The following RUNX3 variants were observed in gnomAD, a reference collection of about 807,000 sequenced individuals.
The protein encoded by RUNX3 is runt-related transcription factor 3.
A neutral mutation model predicts 27.7 loss-of-function variants in RUNX3; 10 were observed. The ratio of observed to expected loss-of-function variants is 0.36; its 90% confidence interval spans 0.22 to 0.61. The LOEUF is 0.61. RUNX3 is among the 20% of genes least tolerant of loss of function. The pLI, the probability that RUNX3 is intolerant of heterozygous loss-of-function variation, is 0.72. For synonymous variants in RUNX3, 270 were observed against 269.2 expected (o/e 1.00, Z -0.03); for missense variants, 469 against 629.5 (o/e 0.75, Z 2.73).
At chr1:24,936,407 C>T (rs954063175) in intron 2 of RUNX3, among the ~76,000 whole-genome samples, 17 of 152,200 alleles carry the variant, frequency 1.1e-4, no homozygotes, top group African/African-American at 3.9e-4. Context: ...CTACACTCTA[C>T]TCTTGTGGAC....
rs1452850130 is a variant in RUNX3, at chr1:24,899,676, C to G, written c.*2446G>C. 2.0e-5 allele frequency: 3 copies of G among 152,762 alleles called. No homozygotes were observed. Among genetic ancestry groups the G allele is most frequent in the Admixed American group, 6.5e-5 (1 of 15,274 alleles). The allele number at this position is 152,762 out of a possible 1,614,324, so 9.5% of individuals were successfully genotyped here. On this transcript the variant is annotated 3_prime_UTR_variant, in exon 5 of 5. Transcript: ENST00000308873. Reference sequence around the variant, plus strand: ...CAGTTTCCACCCAGCTCCATCCTCTCGCCAGCTCTGGGATGGTTTTACATC... The same window carrying G: ...CAGTTTCCACCCAGCTCCATCCTCTGGCCAGCTCTGGGATGGTTTTACATC...
chr1:24,958,618 A>G, intron 2 of RUNX3, among the ~76,000 whole-genome samples: 1 of 152,216 alleles, frequency 6.6e-6, no homozygotes, highest in South Asian at 2.1e-4. Flanking sequence ...TTTAGGGCAG[A>G]TGGCAAAGGC....
At chr1:24,955,004 C>A (rs1473945411) in intron 2 of RUNX3, among the ~76,000 whole-genome samples, 2 of 152,156 alleles carry the variant, frequency 1.3e-5, no homozygotes, top group Non-Finnish European at 2.9e-5. Flanking sequence ...AGTCTCCTCT[C>A]CCTCAAGCCC....
Position 24,927,445 on chromosome 1 carries a change from T to A in RUNX3, c.439+129A>T. 1.2e-6 allele frequency: 1 copy of A among 824,648 alleles called. No individual in the cohort carries two copies. Among genetic ancestry groups the A allele is most frequent in the Non-Finnish European group, 2.0e-6 (1 of 499,084 alleles). The allele number at this position is 824,648 out of a possible 1,614,324, so 51.1% of individuals were successfully genotyped here. On this transcript the variant is annotated intron_variant, in intron 2 of 4. Coordinates refer to ENST00000308873, the MANE Select transcript of RUNX3 (RefSeq NM_004350.3). This position sits in a 1 kb window ranked among gnomAD's most constrained non-coding sequence, Gnocchi z 5.0. ...CTGTAATATCCTACAGGATTACAAA[T>A]TGCTGTTTTTAGACAGAGCTGCATC...
Position 24,902,029 on chromosome 1 carries a change from C to CCCATTCCCGCCCGGAG in RUNX3, c.*77_*92dup. The CCCATTCCCGCCCGGAG allele has an allele frequency of 8.1e-7, 1 of 1,233,640 alleles. No homozygotes were observed. Among genetic ancestry groups the CCCATTCCCGCCCGGAG allele is most frequent in the Admixed American group, 2.8e-5 (1 of 36,284 alleles). The allele number at this position is 1,233,640 out of a possible 1,614,324, so 76.4% of individuals were successfully genotyped here. On this transcript the variant is annotated 3_prime_UTR_variant, in exon 5 of 5. Coordinates refer to ENST00000308873, the MANE Select transcript of RUNX3 (RefSeq NM_004350.3). This position sits in a 1 kb window ranked among gnomAD's most constrained non-coding sequence, Gnocchi z 9.2. The stretch of plus-strand genomic sequence containing the variant: ...ACCGAGACCACCCTGGAGCGCAGGT[C>CCCATTCCCGCCCGGAG]CCATTCCCGCCCGGAGCCTCGGAGC...
intron 2 of RUNX3, among the ~76,000 whole-genome samples, chr1:24,926,267 T>G (rs1641098336): frequency 6.6e-6 from 1 of 152,132 alleles, no homozygotes; most frequent in African/African-American, 2.4e-5. Context: ...TTTGAGAGAT[T>G]GGGGATGACA....
At chr1:24,903,279 G>A (rs1055906891) in intron 4 of RUNX3, among the ~76,000 whole-genome samples, 1 of 152,230 alleles carries the variant, frequency 6.6e-6, no homozygotes, top group Admixed American at 6.5e-5. Flanking sequence ...CGGAGGTTCT[G>A]TGCGCTCACA....
Position 24,924,247 on chromosome 1 carries a change from C to G in RUNX3, c.439+3327G>C, listed in dbSNP as rs371457643. Among the ~76,000 whole-genome samples the G allele has an allele frequency of 7.6e-4, 116 of 152,246 alleles. 4 individuals carry two copies. The South Asian group carries it at 0.023, about 30-fold the overall frequency. ...AAAAAATCAGCTGAGCATGGTGGCGCATGCCTATAGTCCCAGCTATTGAGG... is the reference window on the plus strand; with the variant it reads ...AAAAAATCAGCTGAGCATGGTGGCGGATGCCTATAGTCCCAGCTATTGAGG... On this transcript the variant is annotated intron_variant, in intron 2 of 4. Coordinates refer to ENST00000308873, the MANE Select transcript of RUNX3 (RefSeq NM_004350.3).
At position 24,901,183 on chromosome 1, in the gene RUNX3, C is replaced by A. The variant is rs1336540429; in HGVS notation, c.*939G>T. On this transcript the variant is annotated 3_prime_UTR_variant, in exon 5 of 5. Transcript: ENST00000308873. Reference sequence around the variant, plus strand: ...ACAGCTTGGCTGGACCCAGGGGGGACAGGGACATTGATGTCTGACCCAAAA... The same window carrying A: ...ACAGCTTGGCTGGACCCAGGGGGGAAAGGGACATTGATGTCTGACCCAAAA... 1 of 151,958 alleles carries A rather than the reference C, an allele frequency of 6.6e-6. No homozygotes were observed. The highest frequency in any genetic ancestry group is 1.5e-5 in the Non-Finnish European group (1 of 67,990). The allele number at this position is 151,958 out of a possible 1,614,324, so 9.4% of individuals were successfully genotyped here. A position where few individuals can be genotyped will look rare whatever the true frequency, so the allele number is the denominator to read the frequency against.
intron 3 of RUNX3, among the ~76,000 whole-genome samples, chr1:24,912,836 G>A (rs1476584761): frequency 2.0e-5 from 3 of 151,820 alleles, no homozygotes; most frequent in South Asian, 2.1e-4. Flanking sequence ...AGCCAGCCTG[G>A]GTTCGATACA....
intron 3 of RUNX3, among the ~76,000 whole-genome samples, chr1:24,912,228 G>C (rs913868152): frequency 1.3e-5 from 2 of 152,206 alleles, no homozygotes; most frequent in African/African-American, 4.8e-5. Context: ...TGCACAGTCT[G>C]CTCACTGAGG....
At position 24,904,747 on chromosome 1, in the gene RUNX3, A is replaced by AT. The variant is rs1640628999; in HGVS notation, c.704-2082dup. ...GCTGGGCCTCCCTGGACCTGCCACC[A>AT]TCCCCTCCAGCCTCTTTCCTCAGGG... On this transcript the variant is annotated intron_variant, in intron 4 of 4. Coordinates refer to ENST00000308873, the MANE Select transcript of RUNX3 (RefSeq NM_004350.3). This position sits in a 1 kb window ranked among gnomAD's most constrained non-coding sequence, Gnocchi z 5.7. Among the ~76,000 whole-genome samples, 1 of 151,820 alleles carries AT rather than the reference A, an allele frequency of 6.6e-6. No individual in the cohort carries two copies. The highest frequency in any genetic ancestry group is 2.1e-4 in the South Asian group (1 of 4,816).
chr1:24,927,802 A>C lies in RUNX3; in HGVS notation c.283-72T>G. On this transcript the variant is annotated intron_variant, in intron 1 of 4. Coordinates refer to ENST00000308873, the MANE Select transcript of RUNX3 (RefSeq NM_004350.3). The surrounding 1 kb of genome is among the most constrained non-coding windows in gnomAD (Gnocchi z 5.0). Reference sequence around the variant, plus strand: ...AGAGGGTGACCAGGGAAAGGAGGGGAGGGGCTGGGCTGGGCAGCTCCCCCA... The same window carrying C: ...AGAGGGTGACCAGGGAAAGGAGGGGCGGGGCTGGGCTGGGCAGCTCCCCCA... 1.9e-5 allele frequency: 21 copies of C among 1,125,608 alleles called. No homozygotes were observed. Among genetic ancestry groups the C allele is most frequent in the Non-Finnish European group, 2.4e-5 (18 of 758,876 alleles). 69.7% of individuals were successfully genotyped at this position (1,125,608 alleles called of 1,614,324 possible). A position where few individuals can be genotyped will look rare whatever the true frequency, so the allele number is the denominator to read the frequency against.
At chr1:24,954,245 A>C (rs1444498534) in intron 2 of RUNX3, among the ~76,000 whole-genome samples, 1 of 152,260 alleles carries the variant, frequency 6.6e-6, no homozygotes. Context: ...GCTTATTTTT[A>C]AATTTCTTAG....
At chr1:24,940,005 A>G (rs188220042) in intron 2 of RUNX3, among the ~76,000 whole-genome samples, 10 of 152,376 alleles carry the variant, frequency 6.6e-5, no homozygotes, top group Admixed American at 6.5e-4. Context: ...GGGGAAGAGC[A>G]CTGAAACCAT....
upstream of RUNX3, among the ~76,000 whole-genome samples, chr1:24,932,191 T>C (rs1641246174): frequency 6.6e-6 from 1 of 152,178 alleles, no homozygotes; most frequent in Non-Finnish European, 1.5e-5. Flanking sequence ...CCGCTTACGA[T>C]GGGTTCACAG....
Position 24,901,989 on chromosome 1 carries a change from TG to T in RUNX3, c.*132del. 1 of 828,214 alleles carries T rather than the reference TG, an allele frequency of 1.2e-6. No individual in the cohort carries two copies. Among genetic ancestry groups the T allele is most frequent in the Non-Finnish European group, 1.8e-6 (1 of 546,240 alleles). The allele number at this position is 828,214 out of a possible 1,614,324, so 51.3% of individuals were successfully genotyped here. A position where few individuals can be genotyped will look rare whatever the true frequency, so the allele number is the denominator to read the frequency against. On this transcript the variant is annotated 3_prime_UTR_variant, in exon 5 of 5. Transcript: ENST00000308873. ...GATGCAGCCAGAGGCTCCCACCAGC[TG>T]GGACCACCCTGGGACCGAGACCACC...
At chr1:24,931,554 T>C (rs967308337), upstream of RUNX3, among the ~76,000 whole-genome samples, 11 of 152,170 alleles carry the variant, frequency 7.2e-5, no homozygotes, top group Non-Finnish European at 1.5e-5. Context: ...CCCCGCCGCT[T>C]TGGAGACGGG....
At position 24,923,246 on chromosome 1, in the gene RUNX3, AGAG is replaced by A. The variant is rs1641034629; in HGVS notation, c.440-3905_440-3903del. ...ACAAAGGAGAGGAGTGTGGGGCCTA[AGAG>A]GAGGAGTGAGAGGGAGGGGCAGGAG... On this transcript the variant is annotated intron_variant, in intron 2 of 4. Transcript: ENST00000308873. This position sits in a 1 kb window ranked among gnomAD's most constrained non-coding sequence, Gnocchi z 5.9. 6.6e-6 allele frequency among the ~76,000 whole-genome samples: 1 copy of A among 152,104 alleles called. No individual in the cohort carries two copies. The highest frequency in any genetic ancestry group is 2.1e-4 in the South Asian group (1 of 4,824).
Sources: gnomAD v4.1 joint callset for allele counts (sites outside exome capture counted in the v4.1 genomes callset) on GRCh38, gnomAD v4.1.1 for gene constraint, Gnocchi (gnomAD v3.1) non-coding constraint, MANE v1.5 for transcripts, NCBI Gene and HGNC (gene_info 2026-07-23, HGNC 2026-07-21) for gene names.